HTR4: variants seen among roughly 807,000 people sequenced by gnomAD.
The protein encoded by HTR4 is 5-hydroxytryptamine (serotonin) receptor 4, G protein-coupled.
A neutral mutation model predicts 36.8 loss-of-function variants in HTR4; 16 were observed. That is an observed-to-expected ratio of 0.43 (90% CI 0.29 to 0.66). The LOEUF is 0.66. Ranked by LOEUF, HTR4 falls within the 30% of genes least tolerant of loss-of-function variation. The pLI, the probability that HTR4 is intolerant of heterozygous loss-of-function variation, is 0.13. For synonymous variants in HTR4, 189 were observed against 185.1 expected (o/e 1.02, Z -0.17); for missense variants, 438 against 490.9 (o/e 0.89, Z 1.02).
At chr5:148,467,626 A>T (rs1755461983) in intron 5 of HTR4, among the ~76,000 whole-genome samples, 1 of 152,238 alleles carries the variant, frequency 6.6e-6, no homozygotes, top group African/African-American at 2.4e-5. Flanking sequence ...GTATTACTAT[A>T]AAATAAAAAT....
chr5:148,535,362 A>G (rs1438423807), intron 4 of HTR4, among the ~76,000 whole-genome samples: 1 of 152,248 alleles, frequency 6.6e-6, no homozygotes, highest in Non-Finnish European at 1.5e-5. Flanking sequence ...CAGTTCTCCA[A>G]CGAGAGTTCT....
At chr5:148,471,266 G>T (rs1755560915) in intron 5 of HTR4, among the ~76,000 whole-genome samples, 1 of 152,198 alleles carries the variant, frequency 6.6e-6, no homozygotes. Context: ...ATAGCAGGCT[G>T]AGAGCTAGCC....
intron 4 of HTR4, among the ~76,000 whole-genome samples, chr5:148,544,167 C>T (rs763302271): frequency 5.3e-5 from 8 of 152,034 alleles, no homozygotes; most frequent in Non-Finnish European, 8.8e-5. Flanking sequence ...AGCACTACAC[C>T]GTATGCCCTA....
intron 2 of HTR4, among the ~76,000 whole-genome samples, chr5:148,565,124 AAAG>A: frequency 6.6e-6 from 1 of 151,948 alleles, no homozygotes; most frequent in Admixed American, 6.6e-5. Flanking sequence ...AAAAAAAAAA[AAAG>A]ATTAATAAAT....
chr5:148,617,434 T>A (rs776812134), intron 2 of HTR4, among the ~76,000 whole-genome samples: 1 of 151,876 alleles, frequency 6.6e-6, no homozygotes, highest in African/African-American at 2.4e-5. Flanking sequence ...CACACACTTC[T>A]TATAATATTA....
At chr5:148,611,108 A>G (rs1752406895) in intron 2 of HTR4, among the ~76,000 whole-genome samples, 1 of 147,432 alleles carries the variant, frequency 6.8e-6, no homozygotes, top group African/African-American at 2.5e-5. Flanking sequence ...ACTCTGCAGG[A>G]TATTATCCAG....
intron 4 of HTR4, among the ~76,000 whole-genome samples, chr5:148,548,167 CT>C (rs1247583404): frequency 1.3e-5 from 2 of 152,132 alleles, no homozygotes; most frequent in Admixed American, 6.5e-5. Flanking sequence ...GGGAAGTTTA[CT>C]GTAACTTTCT....
intron 2 of HTR4, among the ~76,000 whole-genome samples, chr5:148,577,645 T>C (rs527937490): frequency 1.1e-4 from 16 of 152,092 alleles, no homozygotes; most frequent in Middle Eastern, 3.4e-3. Context: ...CCTATATAAA[T>C]AATAAGATCA....
At position 148,609,810 on chromosome 5, in the gene HTR4, C is replaced by A. The variant is rs186904684; in HGVS notation, c.26+27179G>T. ...CGCAATCTCCTGAACTCGTGATCCA[C>A]CCACCTCAGCCTCCCAAAGTACTGG... is the stretch of plus-strand genomic sequence containing the variant. On this transcript the variant is annotated intron_variant, in intron 2 of 6. Transcript: ENST00000377888. 2.0e-3 allele frequency among the ~76,000 whole-genome samples: 307 copies of A among 152,302 alleles called. 4 individuals are homozygous for A. The highest frequency in any genetic ancestry group is 6.8e-3 in the African/African-American group (283 of 41,548).
intron 2 of HTR4, among the ~76,000 whole-genome samples, chr5:148,560,838 T>C (rs1760173285): frequency 6.6e-6 from 1 of 152,162 alleles, no homozygotes; most frequent in Admixed American, 6.6e-5. Context: ...ATTTTAAACA[T>C]GCTTACTTAG....
rs372704812 is a variant in HTR4 at position 148,464,218 on chromosome 5, T to G, written c.1077-12946A>C. 1.1e-4 allele frequency among the ~76,000 whole-genome samples: 17 copies of G among 152,198 alleles called. No homozygotes were observed. The South Asian group carries it at 2.3e-3, about 20-fold the overall frequency. The stretch of plus-strand genomic sequence containing the variant: ...TTCAGATATAACACCAAACGTACAA[T>G]TCATGAAAGAAATAATTGATGAGGT... On this transcript the variant is annotated intron_variant, in intron 5 of 5. Coordinates refer to the HTR4 transcript ENST00000521530.
chr5:148,654,180 T>C lies in HTR4; in HGVS notation c.-166A>G. The C allele has an allele frequency of 1.0e-6, 1 of 985,434 alleles. No individual in the cohort carries two copies. The highest frequency in any genetic ancestry group is 1.2e-6 in the Non-Finnish European group (1 of 829,978). 61.0% of individuals were successfully genotyped at this position (985,434 alleles called of 1,614,324 possible). On this transcript the variant is annotated 5_prime_UTR_variant, in exon 1 of 7. Coordinates refer to ENST00000377888, the MANE Select transcript of HTR4 (RefSeq NM_000870.7). ...GCGCTCCCAGCCGCTGCCTGCGCCC[T>C]CCCTGCCGCCCCCTCGGGTGCGGGC...
chr5:148,470,511 T>A (rs1489357082), intron 5 of HTR4, among the ~76,000 whole-genome samples: 1 of 152,234 alleles, frequency 6.6e-6, no homozygotes, highest in Non-Finnish European at 1.5e-5. Context: ...TGAAGCCACA[T>A]AGAGTCTTTG....
intron 1 of HTR4, among the ~76,000 whole-genome samples, chr5:148,653,858 C>A (rs893243891): frequency 6.6e-6 from 1 of 152,162 alleles, no homozygotes; most frequent in African/African-American, 2.4e-5. Flanking sequence ...TACAGTGATC[C>A]CACGCTGGAA....
chr5:148,490,560 C>A, intron 6 of HTR4: 1 of 1,119,386 alleles, frequency 8.9e-7, no homozygotes, highest in Non-Finnish European at 1.1e-6. Context: ...CACAGAATCA[C>A]AAAAAAAGGG....
chr5:148,541,464 T>G (rs1759112744), intron 4 of HTR4, among the ~76,000 whole-genome samples: 1 of 152,192 alleles, frequency 6.6e-6, no homozygotes, highest in Non-Finnish European at 1.5e-5. Flanking sequence ...ACGCACATAA[T>G]AAGAAACTTC....
chr5:148,616,584 A>C (rs74409857), intron 2 of HTR4, among the ~76,000 whole-genome samples: 3,590 of 152,306 alleles, frequency 0.024, 64 homozygotes, highest in Middle Eastern at 0.075. Context: ...AGTCTGCTTT[A>C]TTTTGTTCCT....
At chr5:148,478,539 T>A (rs1213369273), downstream of HTR4, among the ~76,000 whole-genome samples, 1 of 152,140 alleles carries the variant, frequency 6.6e-6, no homozygotes, top group African/African-American at 2.4e-5. Context: ...GGCAGTATTA[T>A]GAACACCGCC....
At chr5:148,585,797 ATGAC>A (rs1344576104) in intron 2 of HTR4, among the ~76,000 whole-genome samples, 1 of 152,176 alleles carries the variant, frequency 6.6e-6, no homozygotes, top group Non-Finnish European at 1.5e-5. Context: ...GTCCACCAGG[ATGAC>A]TGAGATAGAA....
Sources: gnomAD v4.1 joint callset for allele counts (sites outside exome capture counted in the v4.1 genomes callset) on GRCh38, gnomAD v4.1.1 for gene constraint, MANE v1.5 for transcripts, NCBI Gene and HGNC (gene_info 2026-07-23, HGNC 2026-07-21) for gene names.